PAN3: variants seen among roughly 807,000 people sequenced by gnomAD.
PAN3 encodes the protein PAN2-PAN3 deadenylation complex subunit PAN3.
Under a neutral mutation model 96.2 loss-of-function variants are expected in PAN3, and 19 were observed. The ratio of observed to expected loss-of-function variants is 0.20; its 90% CI spans 0.14 to 0.29. The LOEUF is 0.29. PAN3 is among the 10% of genes least tolerant of loss of function. PAN3 has a pLI of 1.00. For missense variants in PAN3, 882 were observed against 1,108.1 expected (o/e 0.80, Z 2.90); for synonymous variants, 433 against 406.6 (o/e 1.06, Z -0.78).
chr13:28,176,591 C>T, intron 3 of PAN3, 32 bp downstream of exon 3: 1 of 1,586,298 alleles, frequency 6.3e-7, no homozygotes, highest in Non-Finnish European at 8.7e-7. Context: ...TTATGTGTGT[C>T]TGTGTATATA....
chr13:28,177,994 G>C, intron 4 of PAN3, 59 bp downstream of exon 4: 1 of 1,458,328 alleles, frequency 6.9e-7, no homozygotes, highest in South Asian at 1.2e-5. Flanking sequence ...TGTTGGCATT[G>C]TTACCTATGT....
chr13:28,157,162 A>T (rs956823713), intron 1 of PAN3, among the ~76,000 whole-genome samples: 2 of 152,164 alleles, frequency 1.3e-5, no homozygotes, highest in South Asian at 2.1e-4. Context: ...AAAGGTTTTC[A>T]GTAAAATTCA....
chr13:28,232,372 C>G (rs1882663015), intron 6 of PAN3: 1 of 152,018 alleles, frequency 6.6e-6, no homozygotes, highest in Admixed American at 6.5e-5. Flanking sequence ...TGTTCTATCA[C>G]ATCCTAAAAA....
intron 1 of PAN3, among the ~76,000 whole-genome samples, chr13:28,141,462 C>CTTTTTTTTTTTTTTTTTTTTTTTT (rs759736683): frequency 2.2e-5 from 2 of 90,352 alleles, no homozygotes; most frequent in South Asian, 4.2e-4. Flanking sequence ...TTCTTTTTTT[C>CTTTTTTTTTTTTTTTTTTTTTTTT]TTTTTTTTTT....
At chr13:28,287,885 A>T in intron 17 of PAN3, 99 bp from the exon 18 acceptor site, 6 of 1,232,158 alleles carry the variant, frequency 4.9e-6, no homozygotes, top group South Asian at 1.8e-5. Context: ...TTTTTTGTTT[A>T]TTGGGAAAAA....
At chr13:28,225,614 C>A (rs1160178877) in intron 6 of PAN3, among the ~76,000 whole-genome samples, 1 of 152,160 alleles carries the variant, frequency 6.6e-6, no homozygotes, top group Non-Finnish European at 1.5e-5. Flanking sequence ...ATAAGGAATT[C>A]ATTAACTAAC....
chr13:28,220,869 T>C (rs1210218966), intron 6 of PAN3, among the ~76,000 whole-genome samples: 2 of 152,166 alleles, frequency 1.3e-5, no homozygotes, highest in Non-Finnish European at 2.9e-5. Context: ...GGGTAAAGTA[T>C]TATAAACAGT....
At chr13:28,239,095 C>T (rs947906877) in intron 6 of PAN3, among the ~76,000 whole-genome samples, 3 of 151,056 alleles carry the variant, frequency 2.0e-5, no homozygotes, top group African/African-American at 7.3e-5. Flanking sequence ...CAGAGTTACT[C>T]TAGATATCCA....
At chr13:28,271,390 T>C (rs1054894982) in intron 13 of PAN3, among the ~76,000 whole-genome samples, 1 of 152,206 alleles carries the variant, frequency 6.6e-6, no homozygotes, top group Non-Finnish European at 1.5e-5. Context: ...ATTTTGTGAT[T>C]GTCTTGGGCT....
At chr13:28,163,209 A>G (rs1000610156) in intron 1 of PAN3, among the ~76,000 whole-genome samples, 1 of 152,188 alleles carries the variant, frequency 6.6e-6, no homozygotes, top group African/African-American at 2.4e-5. Flanking sequence ...ATAAATTCAA[A>G]ACAAAACAAA....
At chr13:28,209,837 G>A (rs1260435116) in intron 5 of PAN3, among the ~76,000 whole-genome samples, 1 of 151,662 alleles carries the variant, frequency 6.6e-6, no homozygotes, top group Non-Finnish European at 1.5e-5. Context: ...CTGGAGTGCG[G>A]TGGCATGATC....
At chr13:28,162,232 G>A (rs1025220020) in intron 1 of PAN3, among the ~76,000 whole-genome samples, 1 of 152,172 alleles carries the variant, frequency 6.6e-6, no homozygotes. Context: ...AGACCTCATG[G>A]TCAGTATTTG....
At chr13:28,171,748 T>A (rs1260994040) in intron 1 of PAN3, among the ~76,000 whole-genome samples, 1 of 152,136 alleles carries the variant, frequency 6.6e-6, no homozygotes, top group African/African-American at 2.4e-5. Flanking sequence ...AGTTAAGGGA[T>A]TTTTATGGAC....
intron 1 of PAN3, among the ~76,000 whole-genome samples, chr13:28,151,855 G>A (rs1285730008): frequency 1.3e-5 from 2 of 152,112 alleles, no homozygotes; most frequent in East Asian, 3.9e-4. Flanking sequence ...AGATATATTA[G>A]CCATTCAAGT....
At chr13:28,142,497 T>G (rs1869986329) in intron 1 of PAN3, among the ~76,000 whole-genome samples, 1 of 147,322 alleles carries the variant, frequency 6.8e-6, no homozygotes. Context: ...GTGAGGCAGT[T>G]AAAATAGATG....
intron 1 of PAN3, among the ~76,000 whole-genome samples, chr13:28,144,554 G>A (rs751024986): frequency 8.6e-5 from 13 of 151,934 alleles, no homozygotes; most frequent in Non-Finnish European, 1.0e-4. Context: ...GAGGGATAAC[G>A]TAACTCCAGG....
chr13:28,201,041 CT>C (rs762515814), intron 5 of PAN3, among the ~76,000 whole-genome samples: 290 of 144,820 alleles, frequency 2.0e-3, no homozygotes, highest in African/African-American at 5.8e-3. Flanking sequence ...CTCTCTCTCT[CT>C]TTTTTTTTTT....
intron 6 of PAN3, among the ~76,000 whole-genome samples, chr13:28,244,048 T>A (rs1030622889): frequency 3.9e-5 from 6 of 152,226 alleles, no homozygotes; most frequent in African/African-American, 1.4e-4. Context: ...TAGCACCAGA[T>A]GTGAGCATCT....
At chr13:28,228,171 T>C (rs1254873030) in intron 6 of PAN3, among the ~76,000 whole-genome samples, 1 of 152,226 alleles carries the variant, frequency 6.6e-6, no homozygotes, top group African/African-American at 2.4e-5. Context: ...GTGTGTTACA[T>C]GTCTAGTTAG....
Sources: allele counts gnomAD v4.1 joint callset (sites outside exome capture counted in the v4.1 genomes callset), GRCh38; gene constraint gnomAD v4.1.1; transcripts MANE v1.5; gene names NCBI Gene and HGNC (gene_info 2026-07-23, HGNC 2026-07-21).